NAALADL2: variants seen among roughly 807,000 people sequenced by gnomAD.
NAALADL2 encodes N-acetylated alpha-linked acidic dipeptidase like 2.
A neutral mutation model predicts 87.2 loss-of-function variants in NAALADL2; 76 were observed. The ratio of observed to expected loss-of-function variants is 0.87; its 90% confidence interval spans 0.72 to 1.05. NAALADL2 has a LOEUF of 1.05. Ranked by LOEUF, NAALADL2 falls within the 50% of genes least tolerant of loss-of-function variation. NAALADL2 has a pLI of 0.00. For synonymous variants in NAALADL2, 354 were observed against 331.0 expected (o/e 1.07, Z -0.75); for missense variants, 1,089 against 945.8 (o/e 1.15, Z -1.99).
intron 2 of NAALADL2, among the ~76,000 whole-genome samples, chr3:174,711,600 T>C (rs1730638996): frequency 6.6e-6 from 1 of 152,194 alleles, no homozygotes; most frequent in African/African-American, 2.4e-5. Flanking sequence ...AATCAGACTT[T>C]AGTCCTTTCT....
intron 1 of NAALADL2, among the ~76,000 whole-genome samples, chr3:174,930,872 T>C (rs1185176513): frequency 6.6e-6 from 1 of 151,958 alleles, no homozygotes; most frequent in African/African-American, 2.4e-5. Flanking sequence ...TCCGCCCACC[T>C]CGGCCTCCCA....
chr3:174,715,749 A>G (rs1392363806), intron 2 of NAALADL2, among the ~76,000 whole-genome samples: 1 of 152,164 alleles, frequency 6.6e-6, no homozygotes, highest in African/African-American at 2.4e-5. Context: ...ATTATAGTAA[A>G]TAGACTAACA....
chr3:175,093,600 A>T (rs915679192), intron 1 of NAALADL2, among the ~76,000 whole-genome samples: 9 of 149,608 alleles, frequency 6.0e-5, no homozygotes, highest in African/African-American at 2.2e-4. Context: ...GATATATAAA[A>T]TATATAAGAC....
chr3:175,275,990 T>A (rs1237859396), intron 4 of NAALADL2, among the ~76,000 whole-genome samples: 1 of 151,610 alleles, frequency 6.6e-6, no homozygotes, highest in South Asian at 2.1e-4. Flanking sequence ...CATTTTAATG[T>A]TTTTTCTTCA....
chr3:175,521,173 T>G (rs556796990), intron 9 of NAALADL2, among the ~76,000 whole-genome samples: 1 of 152,008 alleles, frequency 6.6e-6, no homozygotes, highest in Non-Finnish European at 1.5e-5. Flanking sequence ...AGACTTTATT[T>G]GTCTCAAGGG....
chr3:174,848,524 T>C (rs545644992), intron 3 of NAALADL2, among the ~76,000 whole-genome samples: 5 of 152,314 alleles, frequency 3.3e-5, no homozygotes, highest in African/African-American at 1.2e-4. Flanking sequence ...CTTAAAAATG[T>C]GCTCAGTAAT....
chr3:174,916,479 C>A (rs1039586957), intron 1 of NAALADL2, among the ~76,000 whole-genome samples: 35 of 152,036 alleles, frequency 2.3e-4, no homozygotes, highest in African/African-American at 8.4e-4. Context: ...TGCTCATTGA[C>A]CAATGAGTGG....
intron 2 of NAALADL2, among the ~76,000 whole-genome samples, chr3:174,695,108 T>C (rs778630463): frequency 1.3e-5 from 2 of 152,072 alleles, no homozygotes; most frequent in Non-Finnish European, 2.9e-5. Flanking sequence ...TGCTGCCATG[T>C]CACTTAGGTA....
At chr3:175,602,221 T>C (rs1723060378) in intron 10 of NAALADL2, among the ~76,000 whole-genome samples, 1 of 152,064 alleles carries the variant, frequency 6.6e-6, no homozygotes, top group Admixed American at 6.6e-5. Flanking sequence ...ATGATATAGT[T>C]TAGTATACAG....
At chr3:175,031,473 TA>T (rs1752793672) in intron 1 of NAALADL2, among the ~76,000 whole-genome samples, 1 of 152,142 alleles carries the variant, frequency 6.6e-6, no homozygotes, top group African/African-American at 2.4e-5. Context: ...TGCTGCGTAG[TA>T]TTCCATGGTG....
chr3:174,442,044 T>C (rs1483938641), intron 1 of NAALADL2, among the ~76,000 whole-genome samples: 1 of 152,006 alleles, frequency 6.6e-6, no homozygotes. Context: ...TTGACAAACA[T>C]TAAAAATTAT....
intron 13 of NAALADL2, among the ~76,000 whole-genome samples, chr3:175,799,444 TTA>T (rs1753878953): frequency 6.6e-6 from 1 of 152,122 alleles, no homozygotes; most frequent in Admixed American, 6.5e-5. Flanking sequence ...CCATTTATAT[TTA>T]TGTTTGTTTG....
chr3:175,588,162 A>G (rs930795690), intron 10 of NAALADL2, among the ~76,000 whole-genome samples: 1 of 152,190 alleles, frequency 6.6e-6, no homozygotes, highest in Non-Finnish European at 1.5e-5. Context: ...CCTGGTAGGA[A>G]AAGTATGTAT....
intron 1 of NAALADL2, among the ~76,000 whole-genome samples, chr3:174,909,817 A>G (rs1733459117): frequency 6.6e-6 from 1 of 152,188 alleles, no homozygotes; most frequent in Admixed American, 6.5e-5. Context: ...TATGAATGTC[A>G]TAATTGTCAG....
At chr3:174,672,902 G>T (rs1218421669) in intron 2 of NAALADL2, among the ~76,000 whole-genome samples, 1 of 78,622 alleles carries the variant, frequency 1.3e-5, no homozygotes, top group African/African-American at 5.9e-5. Flanking sequence ...CCATTATAAA[G>T]ATTGTGGCTT....
intron 3 of NAALADL2, among the ~76,000 whole-genome samples, chr3:174,794,844 TA>T (rs1044008102): frequency 3.3e-5 from 5 of 152,020 alleles, no homozygotes; most frequent in Admixed American, 2.6e-4. Flanking sequence ...TATTGCTTAC[TA>T]AAAAAATCAT....
Position 175,005,448 on chromosome 3 carries a change from G to C in NAALADL2, c.44-91342G>C, listed in dbSNP as rs188606628. The stretch of plus-strand genomic sequence containing the variant: ...TTCAATCTGCCTTCCTCTCAATGTC[G>C]AACCTCCTTGTGAAAAGGGATCACA... On this transcript the variant is annotated intron_variant, in intron 1 of 13. Transcript: ENST00000454872. 2.5e-3 allele frequency among the ~76,000 whole-genome samples: 375 copies of C among 152,050 alleles called. 2 individuals are homozygous for C. The highest frequency in any genetic ancestry group is 8.6e-3 in the African/African-American group (358 of 41,444).
intron 1 of NAALADL2, among the ~76,000 whole-genome samples, chr3:174,470,284 A>G: frequency 6.6e-6 from 1 of 151,954 alleles, no homozygotes; most frequent in East Asian, 1.9e-4. Context: ...TGTGTTGGCT[A>G]TTTCTATATC....
At chr3:175,497,213 T>A (rs1281263309) in intron 9 of NAALADL2, among the ~76,000 whole-genome samples, 1 of 152,080 alleles carries the variant, frequency 6.6e-6, no homozygotes, top group Admixed American at 6.6e-5. Context: ...TAGCTGAGAC[T>A]TACAGGCACC....
Sources: allele counts gnomAD v4.1 joint callset (sites outside exome capture counted in the v4.1 genomes callset), GRCh38; gene constraint gnomAD v4.1.1; transcripts MANE v1.5; gene names NCBI Gene and HGNC (gene_info 2026-07-23, HGNC 2026-07-21).